Variants in CTIF observed in about 807,000 individuals in gnomAD.
CTIF encodes cap binding complex dependent translation initiation factor.
A neutral mutation model predicts 66.0 loss-of-function variants in CTIF; 21 were observed. The observed-to-expected ratio is 0.32, with a 90% CI of 0.23 to 0.46. CTIF has a LOEUF of 0.46. Ranked by LOEUF, CTIF falls within the 20% of genes least tolerant of loss-of-function variation. The pLI is 1.00. For synonymous variants in CTIF, 345 were observed against 326.4 expected (o/e 1.06, Z -0.62); for missense variants, 739 against 812.7 (o/e 0.91, Z 1.10).
chr18:48,660,738 C>T (rs1472854298), intron 3 of CTIF, among the ~76,000 whole-genome samples: 1 of 152,206 alleles, frequency 6.6e-6, no homozygotes, highest in African/African-American at 2.4e-5. Context: ...TCGCTCCCTG[C>T]CAGTTGAGGA....
intron 9 of CTIF, among the ~76,000 whole-genome samples, chr18:48,780,418 A>G (rs1462352913): frequency 1.3e-5 from 2 of 151,492 alleles, no homozygotes; most frequent in African/African-American, 2.4e-5. Context: ...ACCCCCATAC[A>G]ACTTGATTTA....
intron 1 of CTIF, among the ~76,000 whole-genome samples, chr18:48,613,652 C>A (rs2144325705): frequency 6.6e-6 from 1 of 152,326 alleles, no homozygotes; most frequent in East Asian, 1.9e-4. Context: ...AGTCCCTGGG[C>A]TGGCGGCCGA....
At chr18:48,775,438 G>T (rs1422980608) in intron 9 of CTIF, among the ~76,000 whole-genome samples, 1 of 152,246 alleles carries the variant, frequency 6.6e-6, no homozygotes, top group Non-Finnish European at 1.5e-5. Flanking sequence ...CCCACGCAGA[G>T]ATTCTTCCAC....
At chr18:48,707,368 C>A (rs1039004223) in intron 6 of CTIF, among the ~76,000 whole-genome samples, 5 of 152,186 alleles carry the variant, frequency 3.3e-5, no homozygotes, top group African/African-American at 1.2e-4. Flanking sequence ...TTCCAGATTT[C>A]AGGAACGTAT....
At chr18:48,543,098 G>C (rs80218152) in intron 1 of CTIF, among the ~76,000 whole-genome samples, 1 of 152,188 alleles carries the variant, frequency 6.6e-6, no homozygotes, top group Non-Finnish European at 1.5e-5. Flanking sequence ...CAAACTCACC[G>C]TCTGGTCCCA....
At chr18:48,753,839 C>T (rs9962852) in intron 7 of CTIF, among the ~76,000 whole-genome samples, 2,110 of 152,290 alleles carry the variant, frequency 0.014, 52 homozygotes, top group African/African-American at 0.049. Flanking sequence ...GCCTCCTTGC[C>T]GGGTTGCTGG....
chr18:48,686,412 T>C (rs2091840819), intron 6 of CTIF, among the ~76,000 whole-genome samples: 1 of 152,214 alleles, frequency 6.6e-6, no homozygotes. Flanking sequence ...TGGGCTTATC[T>C]GGTATTTTCT....
chr18:48,811,604 G>A (rs8092916), intron 9 of CTIF, among the ~76,000 whole-genome samples: 8 of 152,006 alleles, frequency 5.3e-5, no homozygotes, highest in African/African-American at 1.7e-4. Context: ...TTCTACTGTC[G>A]TTTCTGTTTA....
chr18:48,858,662 G>A (rs1267090581), intron 11 of CTIF, among the ~76,000 whole-genome samples: 1 of 152,162 alleles, frequency 6.6e-6, no homozygotes, highest in Non-Finnish European at 1.5e-5. Flanking sequence ...CACTGGCCAG[G>A]GGTGTGCTGG....
At chr18:48,728,451 A>T (rs2092404868) in intron 7 of CTIF, among the ~76,000 whole-genome samples, 1 of 152,216 alleles carries the variant, frequency 6.6e-6, no homozygotes, top group African/African-American at 2.4e-5. Flanking sequence ...AGCACTTATG[A>T]TCTCACACAG....
chr18:48,785,431 C>G (rs1466049516), intron 9 of CTIF, among the ~76,000 whole-genome samples: 1 of 152,250 alleles, frequency 6.6e-6, no homozygotes, highest in Non-Finnish European at 1.5e-5. Flanking sequence ...GCTGGAGGAA[C>G]TCCTCACATC....
At chr18:48,699,487 C>T (rs1166086741) in intron 6 of CTIF, among the ~76,000 whole-genome samples, 3 of 152,090 alleles carry the variant, frequency 2.0e-5, no homozygotes, top group African/African-American at 7.3e-5. Context: ...GCAGGGACTG[C>T]TTTGGCCCAA....
At chr18:48,842,074 C>CA (rs1568262130) in intron 10 of CTIF, among the ~76,000 whole-genome samples, 1 of 151,940 alleles carries the variant, frequency 6.6e-6, no homozygotes, top group African/African-American at 2.4e-5. Flanking sequence ...TTGGTCCTGC[C>CA]AGGGGGTGGG....
chr18:48,628,714 ACT>A (rs1458506625), intron 2 of CTIF, among the ~76,000 whole-genome samples: 2 of 152,006 alleles, frequency 1.3e-5, no homozygotes, highest in African/African-American at 2.4e-5. Flanking sequence ...TGAATTCAGG[ACT>A]CTCTGCTTCA....
chr18:48,794,366 C>CG (rs1313191939), intron 9 of CTIF, among the ~76,000 whole-genome samples: 1 of 152,174 alleles, frequency 6.6e-6, no homozygotes, highest in Non-Finnish European at 1.5e-5. Context: ...AAGACAGGGT[C>CG]GGGGAAAGCC....
intron 9 of CTIF, among the ~76,000 whole-genome samples, chr18:48,812,741 G>A (rs1409540318): frequency 3.5e-5 from 5 of 141,654 alleles, no homozygotes; most frequent in South Asian, 4.4e-4. Flanking sequence ...GCAACAAAGC[G>A]AGACCCTGTC....
intron 1 of CTIF, among the ~76,000 whole-genome samples, chr18:48,555,050 T>C (rs2088984315): frequency 6.6e-6 from 1 of 152,214 alleles, no homozygotes; most frequent in Non-Finnish European, 1.5e-5. Flanking sequence ...GGATAAGGTG[T>C]CCAAACCTCT....
chr18:48,757,358 G>C (rs1388290578), intron 7 of CTIF, among the ~76,000 whole-genome samples: 13 of 151,894 alleles, frequency 8.6e-5, no homozygotes, highest in Admixed American at 8.5e-4. Context: ...AGCATATGTA[G>C]TTTGTGGGTT....
intron 3 of CTIF, among the ~76,000 whole-genome samples, chr18:48,656,116 A>G (rs4939792): frequency 0.55 from 84,297 of 152,192 alleles, 26,669 homozygotes; most frequent in East Asian, 0.85. Context: ...CAGATGATGC[A>G]CTTCCTCCAC....
Sources: allele counts gnomAD v4.1 joint callset (sites outside exome capture counted in the v4.1 genomes callset), GRCh38; gene constraint gnomAD v4.1.1; transcripts MANE v1.5; gene names NCBI Gene and HGNC (gene_info 2026-07-23, HGNC 2026-07-21).